Variants in AGMO observed in about 807,000 individuals in gnomAD.
The protein encoded by AGMO is glyceryl-ether monooxygenase.
In AGMO, 75 loss-of-function variants were observed where a neutral mutation model predicts 60.2. The observed-to-expected ratio is 1.25, with a 90% CI of 1.03 to 1.51. AGMO has a LOEUF of 1.51. Ranked by LOEUF, AGMO falls within the 40% of genes most tolerant of loss-of-function variation. AGMO has a pLI of 0.00. For synonymous variants in AGMO, 261 were observed against 177.1 expected, an observed-to-expected ratio of 1.47 and a Z score of -3.76; for missense variants, 763 against 525.5, an observed-to-expected ratio of 1.45 and a Z score of -4.42.
intron 3 of AGMO, among the ~76,000 whole-genome samples, chr7:15,450,977 TAA>T (rs1468264142): frequency 2.0e-5 from 3 of 152,184 alleles, no homozygotes; most frequent in Non-Finnish European, 4.4e-5. Flanking sequence ...TAACTGTTGT[TAA>T]TGATTTAATA....
chr7:15,497,217 C>T (rs992735463), intron 3 of AGMO, among the ~76,000 whole-genome samples: 6 of 151,990 alleles, frequency 3.9e-5, no homozygotes, highest in Non-Finnish European at 8.8e-5. Flanking sequence ...TCCTATTTGA[C>T]AGATGAGAAA....
At chr7:15,503,380 C>T (rs377078328) in intron 3 of AGMO, among the ~76,000 whole-genome samples, 22 of 151,948 alleles carry the variant, frequency 1.4e-4, no homozygotes, top group African/African-American at 5.1e-4. Context: ...TACATTATAG[C>T]TGCTGGGTCA....
At chr7:15,195,254 G>A in the AGMO span, among the ~76,000 whole-genome samples, 1 of 152,172 alleles carries the variant, frequency 6.6e-6, no homozygotes, top group Non-Finnish European at 1.5e-5. Context: ...TAAGGACATG[G>A]AAACACAAAA....
At chr7:15,179,066 T>C in the AGMO span, among the ~76,000 whole-genome samples, 1 of 152,210 alleles carries the variant, frequency 6.6e-6, no homozygotes, top group Admixed American at 6.6e-5. Flanking sequence ...CATTTCTTAA[T>C]GCTGTTACAA....
chr7:15,477,009 T>C lies in AGMO; in HGVS notation c.410-45901A>G, dbSNP rs187432453. On this transcript the variant is annotated intron_variant, in intron 3 of 12. Transcript: ENST00000342526. ...AGCTTATTATCTGAAAATCTACCAA[T>C]ACAAAGTTTCCTAATAATCTGAGGG... Among the ~76,000 whole-genome samples, 1,477 of 152,208 alleles carry C rather than the reference T, an allele frequency of 9.7e-3. 26 individuals carry two copies. Among genetic ancestry groups the C allele is most frequent in the African/African-American group, 0.035 (1,443 of 41,540 alleles).
At chr7:15,153,394 T>C in the AGMO span, among the ~76,000 whole-genome samples, 1 of 152,174 alleles carries the variant, frequency 6.6e-6, no homozygotes, top group Non-Finnish European at 1.5e-5. Context: ...GCTTTTGTGT[T>C]TTTAATCATG....
chr7:15,247,888 T>C (rs1185605102), intron 12 of AGMO, among the ~76,000 whole-genome samples: 15 of 151,936 alleles, frequency 9.9e-5, no homozygotes, highest in African/African-American at 7.2e-5. Flanking sequence ...GGCTCTCTGA[T>C]AGAAGAGTGC....
intron 12 of AGMO, among the ~76,000 whole-genome samples, chr7:15,350,463 A>C (rs2128553560): frequency 6.6e-6 from 1 of 152,286 alleles, no homozygotes; most frequent in South Asian, 2.1e-4. Context: ...GGTAGATAAG[A>C]GTTTTAAGCA....
At chr7:15,326,247 A>C (rs1325033523) in intron 12 of AGMO, among the ~76,000 whole-genome samples, 5 of 152,208 alleles carry the variant, frequency 3.3e-5, no homozygotes, top group African/African-American at 1.2e-4. Context: ...AGGCATCTAT[A>C]TGGCAAAACT....
the AGMO span, among the ~76,000 whole-genome samples, chr7:15,156,271 G>A: frequency 2.6e-5 from 4 of 152,318 alleles, no homozygotes; most frequent in South Asian, 2.1e-4. Flanking sequence ...AGATCTGCCA[G>A]TGAAAGAGCT....
intron 3 of AGMO, among the ~76,000 whole-genome samples, chr7:15,541,732 A>T (rs979234352): frequency 2.0e-5 from 3 of 152,204 alleles, no homozygotes; most frequent in African/African-American, 7.2e-5. Context: ...CATATATGCA[A>T]CACAAACAAA....
intron 3 of AGMO, among the ~76,000 whole-genome samples, chr7:15,542,442 A>C (rs146838163): frequency 0.012 from 1,831 of 152,326 alleles, 12 homozygotes; most frequent in Middle Eastern, 0.031. Context: ...GAACACTTAT[A>C]ATCAACATAT....
intron 3 of AGMO, among the ~76,000 whole-genome samples, chr7:15,507,196 CAAG>C (rs1428262238): frequency 6.6e-6 from 1 of 151,876 alleles, no homozygotes; most frequent in East Asian, 1.9e-4. Context: ...TATACAAACT[CAAG>C]AAATATTGTT....
chr7:15,504,907 G>T (rs893892424), intron 3 of AGMO, among the ~76,000 whole-genome samples: 12 of 151,882 alleles, frequency 7.9e-5, no homozygotes, highest in Non-Finnish European at 7.4e-5. Context: ...TCAGTTTAAT[G>T]TTCATCTCTT....
chr7:15,457,027 A>G (rs371241940), intron 3 of AGMO, among the ~76,000 whole-genome samples: 1 of 152,128 alleles, frequency 6.6e-6, no homozygotes, highest in African/African-American at 2.4e-5. Context: ...ATGTTTTTCT[A>G]TTGTAAACTA....
At chr7:15,228,806 T>A (rs1405590024) in intron 12 of AGMO, among the ~76,000 whole-genome samples, 1 of 152,094 alleles carries the variant, frequency 6.6e-6, no homozygotes, top group Non-Finnish European at 1.5e-5. Flanking sequence ...GGCATTCTCA[T>A]CCAGGAGAAA....
At position 15,387,604 on chromosome 7, in the gene AGMO, G is replaced by C. The variant is rs1309089224; in HGVS notation, c.823-64C>G. ...AAATAGGAAAGATTAAATACCAAAA[G>C]TTATGTATATTATTTTATTGTTCAA... On this transcript the variant is annotated intron_variant, in intron 8 of 12. Coordinates refer to ENST00000342526, the MANE Select transcript of AGMO (RefSeq NM_001004320.2). The C allele has an allele frequency of 5.7e-6, 8 of 1,394,138 alleles. No individual in the cohort carries two copies. In the African/African-American group the frequency reaches 9.0e-5, roughly 16 times the overall value. 86.4% of individuals were successfully genotyped at this position (1,394,138 alleles called of 1,614,324 possible). A position where few individuals can be genotyped will look rare whatever the true frequency, so the allele number is the denominator to read the frequency against.
chr7:15,290,279 G>A (rs184168129), intron 12 of AGMO, among the ~76,000 whole-genome samples: 2,432 of 152,092 alleles, frequency 0.016, 35 homozygotes, highest in Non-Finnish European at 0.024. Flanking sequence ...TGCCTGCCTC[G>A]GCCTCCCGAA....
intron 2 of AGMO, among the ~76,000 whole-genome samples, chr7:15,546,137 A>G (rs1784777284): frequency 6.6e-6 from 1 of 152,076 alleles, no homozygotes; most frequent in Non-Finnish European, 1.5e-5. Flanking sequence ...TTATTGTATG[A>G]CTTTAACTGT....
Sources: allele counts gnomAD v4.1 joint callset (sites outside exome capture counted in the v4.1 genomes callset), GRCh38; gene constraint gnomAD v4.1.1; transcripts MANE v1.5; gene names NCBI Gene and HGNC (gene_info 2026-07-23, HGNC 2026-07-21).